Variants in ADARB2 observed in about 807,000 individuals in gnomAD.
The protein encoded by ADARB2 is adenosine deaminase RNA specific B2 (inactive), also known as inactive double-stranded RNA-specific editase B2.
Under a neutral mutation model 62.2 loss-of-function variants are expected in ADARB2, and 25 were observed. The observed-to-expected ratio is 0.40, with a 90% CI of 0.29 to 0.56. The LOEUF (loss-of-function observed/expected upper bound fraction) is 0.56. Ranked by LOEUF, ADARB2 falls within the 20% of genes least tolerant of loss-of-function variation. The pLI is 0.43. For synonymous variants in ADARB2, 572 were observed against 500.8 expected, an observed-to-expected ratio of 1.14 and a Z score of -1.90; for missense variants, 1,071 against 1,077.4, an observed-to-expected ratio of 0.99 and a Z score of 0.08.
At chr10:1,351,836 A>C (rs1832144942) in intron 3 of ADARB2, among the ~76,000 whole-genome samples, 1 of 151,486 alleles carries the variant, frequency 6.6e-6, no homozygotes, top group South Asian at 2.1e-4. Context: ...TACCTGTCCT[A>C]AAACCAGACA....
At chr10:1,569,177 G>A (rs1468321240) in intron 1 of ADARB2, among the ~76,000 whole-genome samples, 1 of 150,684 alleles carries the variant, frequency 6.6e-6, no homozygotes, top group Non-Finnish European at 1.5e-5. Context: ...ATAAGGAGAG[G>A]GACAGAGAGA....
chr10:1,544,608 G>T (rs953695378), intron 1 of ADARB2, among the ~76,000 whole-genome samples: 2 of 152,110 alleles, frequency 1.3e-5, no homozygotes, highest in South Asian at 4.1e-4. Flanking sequence ...CTGGACAGGG[G>T]GTACAGGGGC....
At chr10:1,461,409 T>C (rs1220301528) in intron 1 of ADARB2, among the ~76,000 whole-genome samples, 1 of 152,228 alleles carries the variant, frequency 6.6e-6, no homozygotes, top group Non-Finnish European at 1.5e-5. Flanking sequence ...AATGAGAATC[T>C]GACTCGTAAT....
At chr10:1,192,083 A>T (rs966944306) in intron 8 of ADARB2, among the ~76,000 whole-genome samples, 2 of 152,186 alleles carry the variant, frequency 1.3e-5, no homozygotes, top group African/African-American at 4.8e-5. Flanking sequence ...GAAAATCCTT[A>T]TTTACCTTTT....
chr10:1,616,221 G>T (rs545474184), intron 1 of ADARB2, among the ~76,000 whole-genome samples: 1 of 152,174 alleles, frequency 6.6e-6, no homozygotes, highest in African/African-American at 2.4e-5. Flanking sequence ...GGTCCCAGTG[G>T]GAGTGTAACT....
intron 1 of ADARB2, among the ~76,000 whole-genome samples, chr10:1,395,765 T>TG (rs1832607598): frequency 6.6e-6 from 1 of 152,128 alleles, no homozygotes; most frequent in South Asian, 2.1e-4. Flanking sequence ...TGCAGCAGGG[T>TG]GGGGGGCTGC....
intron 1 of ADARB2, among the ~76,000 whole-genome samples, chr10:1,442,264 A>T (rs1443991496): frequency 1.3e-5 from 2 of 152,214 alleles, no homozygotes; most frequent in African/African-American, 4.8e-5. Flanking sequence ...CCTCCTTGGT[A>T]GGTGTGGTTT....
At chr10:1,369,177 A>T (rs1832342880) in intron 2 of ADARB2, among the ~76,000 whole-genome samples, 2 of 152,162 alleles carry the variant, frequency 1.3e-5, no homozygotes, top group African/African-American at 4.8e-5. Flanking sequence ...AATTGGTCTC[A>T]TTTTTTTCTC....
At chr10:1,420,092 T>C in intron 1 of ADARB2, among the ~76,000 whole-genome samples, 1 of 152,232 alleles carries the variant, frequency 6.6e-6, no homozygotes, top group East Asian at 1.9e-4. Flanking sequence ...AGAAAACATT[T>C]AGCAATTAAG....
At chr10:1,465,223 T>C (rs201243797) in intron 1 of ADARB2, among the ~76,000 whole-genome samples, 1 of 151,694 alleles carries the variant, frequency 6.6e-6, no homozygotes, top group Non-Finnish European at 1.5e-5. Flanking sequence ...GAGGCTGGGG[T>C]GGGAACAGGA....
intron 6 of ADARB2, among the ~76,000 whole-genome samples, chr10:1,229,952 G>A (rs1482411441): frequency 3.9e-5 from 6 of 152,126 alleles, no homozygotes; most frequent in African/African-American, 4.8e-5. Flanking sequence ...ATGCACAATC[G>A]CTCGATGCAG....
At chr10:1,570,669 G>A (rs1832922765) in intron 1 of ADARB2, among the ~76,000 whole-genome samples, 1 of 152,194 alleles carries the variant, frequency 6.6e-6, no homozygotes, top group Non-Finnish European at 1.5e-5. Flanking sequence ...ACAACTATGG[G>A]AGAAGATGGG....
chr10:1,713,089 A>G (rs963030953), intron 1 of ADARB2, among the ~76,000 whole-genome samples: 28 of 152,280 alleles, frequency 1.8e-4, no homozygotes, highest in African/African-American at 6.5e-4. Flanking sequence ...TTGAGAAAAA[A>G]AGCATAGTTG....
intron 1 of ADARB2, among the ~76,000 whole-genome samples, chr10:1,497,170 A>C (rs1249432901): frequency 2.0e-5 from 3 of 152,228 alleles, no homozygotes; most frequent in African/African-American, 7.2e-5. Flanking sequence ...GTTATTGTGA[A>C]TGTCACACAA....
chr10:1,346,185 T>G (rs1300432450), intron 3 of ADARB2, among the ~76,000 whole-genome samples: 2 of 152,232 alleles, frequency 1.3e-5, no homozygotes, highest in Admixed American at 1.3e-4. Flanking sequence ...TTTAAAAACC[T>G]TTAATCGTGG....
At chr10:1,347,979 CAGAGAGATACTGAG>C (rs1338198090) in intron 3 of ADARB2, among the ~76,000 whole-genome samples, 1 of 151,530 alleles carries the variant, frequency 6.6e-6, no homozygotes, top group Non-Finnish European at 1.5e-5. Flanking sequence ...GAGACGGAGA[CAGAGAGATACTGAG>C]AGAGAGAGAC....
At chr10:1,367,541 G>T (rs77727397) in intron 2 of ADARB2, among the ~76,000 whole-genome samples, 2,774 of 152,252 alleles carry the variant, frequency 0.018, 38 homozygotes, top group Middle Eastern at 0.034. Flanking sequence ...TATGCACTTT[G>T]GGTATACATA....
At chr10:1,314,758 A>G (rs1362368648) in intron 3 of ADARB2, among the ~76,000 whole-genome samples, 1 of 152,162 alleles carries the variant, frequency 6.6e-6, no homozygotes, top group Non-Finnish European at 1.5e-5. Context: ...AACAGAAGCA[A>G]CAAAAGTGCT....
In ADARB2 at chr10:1,422,279, A is replaced by G. The variant is rs1409918626; in HGVS notation, c.101-43119T>C. Among the ~76,000 whole-genome samples the G allele has an allele frequency of 2.6e-5, 4 of 152,254 alleles. No homozygotes were observed. In the South Asian group the frequency reaches 6.2e-4, roughly 24 times the overall value. On this transcript the variant is annotated intron_variant, in intron 1 of 9. Coordinates refer to ENST00000381312, the MANE Select transcript of ADARB2 (RefSeq NM_018702.4). The stretch of plus-strand genomic sequence containing the variant: ...TCTGATAAATCCTGGAAGACTTAAT[A>G]TAAGGTCAGGAGTTTTCAGTGCTCT...
Sources: gnomAD v4.1 joint callset for allele counts (sites outside exome capture counted in the v4.1 genomes callset) on GRCh38, gnomAD v4.1.1 for gene constraint, MANE v1.5 for transcripts, NCBI Gene and HGNC (gene_info 2026-07-23, HGNC 2026-07-21) for gene names.